Variants in TMEM132D observed in about 807,000 individuals in gnomAD.
TMEM132D encodes the protein mature OL transmembrane protein.
Under a neutral mutation model 62.3 loss-of-function variants are expected in TMEM132D, and 21 were observed. The ratio of observed to expected loss-of-function variants is 0.34; its 90% CI spans 0.24 to 0.49. The LOEUF (loss-of-function observed/expected upper bound fraction) is 0.49. Ranked by LOEUF, TMEM132D falls within the 20% of genes least tolerant of loss-of-function variation. The pLI is 0.99. For synonymous variants in TMEM132D, 621 were observed against 575.6 expected, an observed-to-expected ratio of 1.08 and a Z score of -1.13; for missense variants, 1,346 against 1,402.8, an observed-to-expected ratio of 0.96 and a Z score of 0.65.
intron 3 of TMEM132D, among the ~76,000 whole-genome samples, chr12:129,462,611 G>C (rs560540821): frequency 6.6e-6 from 1 of 152,216 alleles, no homozygotes; most frequent in South Asian, 2.1e-4. Flanking sequence ...TGACTATTGT[G>C]GGGGGAGAAG....
chr12:129,626,560 C>T lies in TMEM132D; in HGVS notation c.968+73250G>A, dbSNP rs774764884. On this transcript the variant is annotated intron_variant, in intron 2 of 8. Transcript: ENST00000422113. ...GCAACCTCTGCTTTCCAGGTTCAAG[C>T]GATTCTCCTACCTCAGACTCCCGAG... is the stretch of plus-strand genomic sequence containing the variant. Among the ~76,000 whole-genome samples the T allele has an allele frequency of 3.9e-5, 6 of 151,990 alleles. No homozygotes were observed. The East Asian group carries it at 5.8e-4, about 15-fold the overall frequency.
chr12:129,341,906 C>T (rs1282659182), intron 3 of TMEM132D, among the ~76,000 whole-genome samples: 1 of 152,116 alleles, frequency 6.6e-6, no homozygotes, highest in Non-Finnish European at 1.5e-5. Flanking sequence ...CTATAAACCA[C>T]TGCTCAATGA....
intron 4 of TMEM132D, among the ~76,000 whole-genome samples, chr12:129,331,973 G>A (rs1210224341): frequency 6.6e-6 from 1 of 152,198 alleles, no homozygotes; most frequent in African/African-American, 2.4e-5. Context: ...CATTTTGGGA[G>A]GCAGAGGCGG....
At chr12:129,483,713 C>T (rs766400941) in intron 3 of TMEM132D, among the ~76,000 whole-genome samples, 4 of 152,166 alleles carry the variant, frequency 2.6e-5, no homozygotes, top group Admixed American at 6.5e-5. Context: ...CCCACGTCAA[C>T]GCTCCCCTTC....
chr12:129,153,737 C>T (rs1877147442), intron 5 of TMEM132D, among the ~76,000 whole-genome samples: 1 of 152,086 alleles, frequency 6.6e-6, no homozygotes, highest in Admixed American at 6.5e-5. Context: ...GCCAGGGGCT[C>T]AGGTGTGCAT....
At chr12:129,093,553 G>A (rs1243883837) in intron 5 of TMEM132D, among the ~76,000 whole-genome samples, 2 of 152,158 alleles carry the variant, frequency 1.3e-5, no homozygotes, top group Non-Finnish European at 2.9e-5. Context: ...ACAAATGGAA[G>A]AACATCCCAT....
At chr12:129,370,766 C>G (rs891641738) in intron 3 of TMEM132D, among the ~76,000 whole-genome samples, 1 of 152,114 alleles carries the variant, frequency 6.6e-6, no homozygotes. Context: ...GTTAAGTAAA[C>G]TAAGCCAGGC....
intron 2 of TMEM132D, among the ~76,000 whole-genome samples, chr12:129,661,129 G>A (rs557692053): frequency 3.9e-5 from 6 of 152,240 alleles, no homozygotes; most frequent in South Asian, 2.1e-4. Flanking sequence ...CTGGGCTAAC[G>A]GGACCTCCCA....
At chr12:129,623,415 T>C (rs1879124248) in intron 2 of TMEM132D, among the ~76,000 whole-genome samples, 1 of 152,122 alleles carries the variant, frequency 6.6e-6, no homozygotes, top group Non-Finnish European at 1.5e-5. Flanking sequence ...TAGGTGATTT[T>C]TGTATCCTTC....
chr12:129,368,589 AT>A (rs890292719), intron 3 of TMEM132D, among the ~76,000 whole-genome samples: 1 of 150,836 alleles, frequency 6.6e-6, no homozygotes, highest in Admixed American at 6.6e-5. Context: ...TATTATTATT[AT>A]TTTTTTTACA....
Position 129,903,645 on chromosome 12 carries a change from T to A in TMEM132D, c.-306A>T. On this transcript the variant is annotated 5_prime_UTR_variant, in exon 1 of 9. Coordinates refer to ENST00000422113, the MANE Select transcript of TMEM132D (RefSeq NM_133448.3). This position sits in a 1 kb window ranked among gnomAD's most constrained non-coding sequence, Gnocchi z 6.2. ...AATCCACAGGGGGTATTTCCTTTCC[T>A]GTTTACCCGAGCGAAGAGTGGCCCC... 1 of 282,620 alleles carries A rather than the reference T, an allele frequency of 3.5e-6. No homozygotes were observed. The highest frequency in any genetic ancestry group is 6.6e-6 in the Non-Finnish European group (1 of 151,422). The allele number at this position is 282,620 out of a possible 1,614,324, so 17.5% of individuals were successfully genotyped here.
At chr12:129,586,618 C>A (rs150624741) in intron 2 of TMEM132D, among the ~76,000 whole-genome samples, 1 of 152,156 alleles carries the variant, frequency 6.6e-6, no homozygotes. Flanking sequence ...TGAGCTACAC[C>A]GGGCACTAAT....
At chr12:129,835,742 G>A (rs748539264) in intron 1 of TMEM132D, among the ~76,000 whole-genome samples, 3 of 152,136 alleles carry the variant, frequency 2.0e-5, no homozygotes, top group African/African-American at 4.8e-5. Context: ...ATACTCACGC[G>A]CCTTCCCATA....
At chr12:129,386,894 C>T (rs1383096251) in intron 3 of TMEM132D, among the ~76,000 whole-genome samples, 1 of 150,486 alleles carries the variant, frequency 6.6e-6, no homozygotes, top group African/African-American at 2.5e-5. Flanking sequence ...AATACAAACA[C>T]AAAAACTATA....
intron 5 of TMEM132D, among the ~76,000 whole-genome samples, chr12:129,093,981 T>G (rs1875017138): frequency 1.3e-5 from 2 of 151,898 alleles, no homozygotes; most frequent in South Asian, 4.2e-4. Flanking sequence ...TAGCCATATG[T>G]AGAAAGCTGA....
chr12:129,303,746 T>C (rs1881775793), intron 4 of TMEM132D, among the ~76,000 whole-genome samples: 1 of 151,640 alleles, frequency 6.6e-6, no homozygotes, highest in Admixed American at 6.6e-5. Context: ...AGAAGTCCCA[T>C]GATCTACCAT....
rs190465831 is a variant in TMEM132D, at chr12:129,668,703, A to G, written c.968+31107T>C. On this transcript the variant is annotated intron_variant, in intron 2 of 8. Coordinates refer to ENST00000422113, the MANE Select transcript of TMEM132D (RefSeq NM_133448.3). Reference sequence around the variant, plus strand: ...TCTACCTGATTTCTCCAGAATTTGGAAACTATTTGTGAATATTCTCAATTT... The same window carrying G: ...TCTACCTGATTTCTCCAGAATTTGGGAACTATTTGTGAATATTCTCAATTT... Among the ~76,000 whole-genome samples the G allele has an allele frequency of 1.4e-4, 21 of 152,316 alleles. No individual in the cohort carries two copies. The East Asian group carries it at 2.3e-3, about 17-fold the overall frequency.
chr12:129,513,645 C>A (rs1391824976), intron 3 of TMEM132D, among the ~76,000 whole-genome samples: 1 of 147,540 alleles, frequency 6.8e-6, no homozygotes, highest in Non-Finnish European at 1.5e-5. Flanking sequence ...CCACCACGCC[C>A]GGATAATTTT....
At chr12:129,666,306 G>T (rs1381656595) in intron 2 of TMEM132D, among the ~76,000 whole-genome samples, 1 of 152,164 alleles carries the variant, frequency 6.6e-6, no homozygotes, top group Middle Eastern at 3.2e-3. Context: ...CTGCATTTAT[G>T]TGTGTTTTGT....
Sources: allele counts gnomAD v4.1 joint callset (sites outside exome capture counted in the v4.1 genomes callset), GRCh38; gene constraint gnomAD v4.1.1; non-coding constraint Gnocchi (gnomAD v3.1); transcripts MANE v1.5; gene names NCBI Gene and HGNC (gene_info 2026-07-23, HGNC 2026-07-21).